Variants in MACROD2 observed in about 807,000 individuals in gnomAD.
MACROD2 encodes ADP-ribose glycohydrolase MACROD2.
In MACROD2, 36 loss-of-function variants were observed where a neutral mutation model predicts 70.4. The ratio of observed to expected loss-of-function variants is 0.51; its 90% confidence interval spans 0.39 to 0.68. The LOEUF is 0.68. MACROD2 is among the 30% of genes least tolerant of loss of function. MACROD2 has a pLI of 0.00. For missense variants in MACROD2, 496 were observed against 538.4 expected (o/e 0.92, Z 0.78); for synonymous variants, 172 against 178.8 (o/e 0.96, Z 0.30).
intron 5 of MACROD2, among the ~76,000 whole-genome samples, chr20:14,845,801 A>G (rs967398961): frequency 1.4e-4 from 22 of 152,068 alleles, no homozygotes; most frequent in Admixed American, 2.6e-4. Context: ...GAGGTTGGCT[A>G]TAGAAATGAG....
At chr20:15,298,231 CAG>C (rs977383947) in intron 6 of MACROD2, among the ~76,000 whole-genome samples, 4 of 152,288 alleles carry the variant, frequency 2.6e-5, no homozygotes, top group African/African-American at 9.6e-5. Flanking sequence ...GCCTCTGGAA[CAG>C]GGGTTGTGTG....
intron 8 of MACROD2, among the ~76,000 whole-genome samples, chr20:15,632,410 G>T (rs1322295790): frequency 1.3e-5 from 2 of 152,164 alleles, no homozygotes; most frequent in Non-Finnish European, 2.9e-5. Flanking sequence ...AAGTTTAGCG[G>T]CGAGGGGGGC....
intron 8 of MACROD2, among the ~76,000 whole-genome samples, chr20:15,629,980 A>AT (rs1361016055): frequency 1.3e-5 from 2 of 151,740 alleles, no homozygotes; most frequent in Non-Finnish European, 2.9e-5. Context: ...CTGCCCTTTC[A>AT]TTTTTTTTCC....
intron 7 of MACROD2, among the ~76,000 whole-genome samples, chr20:15,456,348 A>C (rs891797209): frequency 6.6e-6 from 1 of 152,146 alleles, no homozygotes. Context: ...CCACGCAAGC[A>C]GTTTGGAGTT....
chr20:14,669,836 G>T (rs2070775170), intron 4 of MACROD2, among the ~76,000 whole-genome samples: 1 of 151,912 alleles, frequency 6.6e-6, no homozygotes, highest in Admixed American at 6.6e-5. Flanking sequence ...GGCACAATCT[G>T]TGCCTTGCAA....
intron 5 of MACROD2, among the ~76,000 whole-genome samples, chr20:14,951,610 C>T (rs1600864226): frequency 6.6e-6 from 1 of 152,172 alleles, no homozygotes; most frequent in South Asian, 2.1e-4. Context: ...GAGGGCATCA[C>T]TGGCCCCAGA....
intron 8 of MACROD2, among the ~76,000 whole-genome samples, chr20:15,845,217 A>G (rs374775301): frequency 6.6e-6 from 1 of 152,254 alleles, no homozygotes; most frequent in South Asian, 2.1e-4. Flanking sequence ...TCCTAATTCC[A>G]ATGACTGCTG....
intron 5 of MACROD2, among the ~76,000 whole-genome samples, chr20:15,127,026 C>T (rs1321805820): frequency 6.6e-6 from 1 of 151,986 alleles, no homozygotes; most frequent in East Asian, 1.9e-4. Flanking sequence ...ACAACAAATT[C>T]CCTTATTATG....
intron 8 of MACROD2, among the ~76,000 whole-genome samples, chr20:15,826,672 T>C (rs1417027930): frequency 6.6e-6 from 1 of 152,154 alleles, no homozygotes; most frequent in Non-Finnish European, 1.5e-5. Context: ...GTCACAAAGG[T>C]GTTTAGTATA....
chr20:15,446,354 C>T (rs1266211739), intron 7 of MACROD2, among the ~76,000 whole-genome samples: 1 of 152,112 alleles, frequency 6.6e-6, no homozygotes, highest in Non-Finnish European at 1.5e-5. Flanking sequence ...CTCAGGGTAC[C>T]AAGGCATAGG....
intron 4 of MACROD2, among the ~76,000 whole-genome samples, chr20:14,568,227 A>C (rs1265077652): frequency 1.3e-5 from 2 of 152,084 alleles, no homozygotes; most frequent in African/African-American, 4.8e-5. Flanking sequence ...GAAATAGATG[A>C]CTACTTAAGA....
At chr20:14,804,280 G>A (rs776811344) in intron 5 of MACROD2, among the ~76,000 whole-genome samples, 9 of 151,612 alleles carry the variant, frequency 5.9e-5, no homozygotes, top group Non-Finnish European at 1.0e-4. Context: ...TCATATAATT[G>A]TAATGAAACT....
At chr20:15,447,676 T>C (rs1485157859) in intron 7 of MACROD2, among the ~76,000 whole-genome samples, 1 of 152,176 alleles carries the variant, frequency 6.6e-6, no homozygotes, top group Non-Finnish European at 1.5e-5. Flanking sequence ...CCTTGACCTT[T>C]TCTATCCCAG....
chr20:14,758,702 C>G (rs1366246048), intron 5 of MACROD2, among the ~76,000 whole-genome samples: 1 of 152,076 alleles, frequency 6.6e-6, no homozygotes, highest in African/African-American at 2.4e-5. Context: ...GGATTTGAGT[C>G]TCACTGTGGA....
chr20:15,059,654 A>G (rs2075516144), intron 5 of MACROD2, among the ~76,000 whole-genome samples: 2 of 152,278 alleles, frequency 1.3e-5, no homozygotes, highest in Middle Eastern at 3.4e-3. Flanking sequence ...CATTCCAATC[A>G]GTTTGACTCA....
chr20:15,146,048 A>AT (rs1363971847), intron 5 of MACROD2, among the ~76,000 whole-genome samples: 1 of 152,142 alleles, frequency 6.6e-6, no homozygotes, highest in Non-Finnish European at 1.5e-5. Flanking sequence ...TTTAAAATTT[A>AT]TTTGTTACAT....
chr20:14,366,324 A>G (rs1000019319), intron 3 of MACROD2, among the ~76,000 whole-genome samples: 5 of 148,314 alleles, frequency 3.4e-5, no homozygotes, highest in East Asian at 2.0e-4. Context: ...TCTTCTTTAT[A>G]TATTTCTACT....
intron 7 of MACROD2, among the ~76,000 whole-genome samples, chr20:15,478,149 G>A (rs900611454): frequency 1.3e-5 from 2 of 152,094 alleles, no homozygotes; most frequent in African/African-American, 4.8e-5. Context: ...GTTTATAGGG[G>A]GGTTGTTACA....
chr20:14,317,566 G>A (rs561694256), intron 3 of MACROD2, among the ~76,000 whole-genome samples: 4 of 148,340 alleles, frequency 2.7e-5, no homozygotes, highest in African/African-American at 5.0e-5. Context: ...CAGTGAGTGA[G>A]CCAAGATTGC....
Sources: gnomAD v4.1 joint callset for allele counts (sites outside exome capture counted in the v4.1 genomes callset) on GRCh38, gnomAD v4.1.1 for gene constraint, MANE v1.5 for transcripts, NCBI Gene and HGNC (gene_info 2026-07-23, HGNC 2026-07-21) for gene names.